Variants in DYNLT5 observed in about 807,000 individuals in gnomAD.
DYNLT5 encodes the protein dynein light chain Tctex-type 5.
In DYNLT5, 25 loss-of-function variants were observed where a neutral mutation model predicts 19.3. That is an observed-to-expected ratio of 1.30 (90% CI 0.95 to 1.81). The LOEUF (loss-of-function observed/expected upper bound fraction) is 1.81. Among genes scored for constraint, DYNLT5 ranks in the 40% most tolerant of loss-of-function variants. The probability of loss-of-function intolerance (pLI) is 0.00; values close to 1 mark genes in which losing one functional copy is unlikely to be tolerated. For missense variants in DYNLT5, 232 were observed against 217.9 expected, an observed-to-expected ratio of 1.06 and a Z score of -0.41; for synonymous variants, 82 against 68.9, an observed-to-expected ratio of 1.19 and a Z score of -0.94.
intron 4 of DYNLT5, among the ~76,000 whole-genome samples, chr1:66,777,004 A>G (rs1185073437): frequency 1.3e-5 from 2 of 152,178 alleles, no homozygotes; most frequent in Non-Finnish European, 2.9e-5. Context: ...TGTGTTCTGG[A>G]TTATAATTAT....
rs772745685 is a variant in DYNLT5 at position 66,770,440 on chromosome 1, C to T, written c.173C>T (p.Ser58Phe). The change falls in exon 3 of 5, where the codon TCT (serine) becomes TTT (phenylalanine). Residue 58 changes from serine to phenylalanine, a missense_variant. Coordinates refer to ENST00000282670, the MANE Select transcript of DYNLT5 (RefSeq NM_152665.3). ...GAACCCAGTCAGCGTGATGATATCT[C>T]TCGCCTTACAGTTCAGATGGAAAAC... Reference protein sequence around the residue: ...MEEPSQRDDISRLTVQMENTY... With the variant: ...MEEPSQRDDIFRLTVQMENTY... 2 of 1,613,522 alleles carry T rather than the reference C, an allele frequency of 1.2e-6. No individual in the cohort carries two copies. The highest frequency in any genetic ancestry group is 1.7e-6 in the Non-Finnish European group (2 of 1,179,664).
At chr1:66,758,461 A>G (rs115231723) in intron 2 of DYNLT5, among the ~76,000 whole-genome samples, 2,464 of 152,302 alleles carry the variant, frequency 0.016, 62 homozygotes, top group African/African-American at 0.056. Flanking sequence ...TGGGGGCTGA[A>G]CATTCTCTCC....
At position 66,776,837 on chromosome 1, in the gene DYNLT5, T is replaced by C. The variant is rs112380323; in HGVS notation, c.337-414T>C. 4.2e-3 allele frequency among the ~76,000 whole-genome samples: 643 copies of C among 152,294 alleles called. 6 individuals carry two copies. The highest frequency in any genetic ancestry group is 0.015 in the African/African-American group (612 of 41,572). On this transcript the variant is annotated intron_variant, in intron 4 of 4. Transcript: ENST00000282670. ...CTCTACTTTCTTTTTGATAACAAAC[T>C]CTTTAATAAACATTAATGATTAGTT...
intron 2 of DYNLT5, among the ~76,000 whole-genome samples, chr1:66,768,497 C>A (rs1459864925): frequency 6.6e-6 from 1 of 152,138 alleles, no homozygotes; most frequent in African/African-American, 2.4e-5. Flanking sequence ...ATTTGCACAC[C>A]AATCTTCAAC....
chr1:66,761,379 C>A lies in DYNLT5; in HGVS notation c.119+6602C>A, dbSNP rs1040203899. On this transcript the variant is annotated intron_variant, in intron 2 of 4. Coordinates refer to ENST00000282670, the MANE Select transcript of DYNLT5 (RefSeq NM_152665.3). ...AAATGCTAATGATCATCTGAACCTTCAGCAAGTTGTCATCTTTTTGCTAGT... is the reference window on the plus strand; with the variant it reads ...AAATGCTAATGATCATCTGAACCTTAAGCAAGTTGTCATCTTTTTGCTAGT... 2.6e-5 allele frequency among the ~76,000 whole-genome samples: 4 copies of A among 152,202 alleles called. No individual in the cohort carries two copies. In the East Asian group the frequency reaches 7.7e-4, roughly 29 times the overall value.
rs143243604 is a variant in DYNLT5, at chr1:66,776,346, A to G, written c.279A>G (p.Leu93=). 94 of 1,613,452 alleles carry G rather than the reference A, an allele frequency of 5.8e-5. No homozygotes were observed. The highest frequency in any genetic ancestry group is 7.5e-5 in the Non-Finnish European group (88 of 1,179,710). ...HILKDVVTSY[L]QVEEYEPELC... ...TGAAAGATGTAGTAACCAGCTATCTACAAGTAGAAGAATATGAACCAGAGC... is the reference window on the plus strand; with the variant it reads ...TGAAAGATGTAGTAACCAGCTATCTGCAAGTAGAAGAATATGAACCAGAGC... Residue 93 remains leucine, a synonymous_variant, in exon 4 of 5, where the codon CTA becomes CTG. Coordinates refer to ENST00000282670, the MANE Select transcript of DYNLT5 (RefSeq NM_152665.3).
chr1:66,758,841 A>G (rs2094640889), intron 2 of DYNLT5, among the ~76,000 whole-genome samples: 1 of 152,150 alleles, frequency 6.6e-6, no homozygotes. Flanking sequence ...AATCTATACT[A>G]CTGTGAGCTG....
chr1:66,754,092 T>G (rs1049264434), intron 1 of DYNLT5, among the ~76,000 whole-genome samples: 3 of 151,992 alleles, frequency 2.0e-5, no homozygotes. Context: ...AATTAAAAAT[T>G]AGCCCAGCTT....
chr1:66,774,139 A>G (rs1005588828), intron 3 of DYNLT5, among the ~76,000 whole-genome samples: 5 of 152,134 alleles, frequency 3.3e-5, no homozygotes, highest in African/African-American at 1.2e-4. Flanking sequence ...CCCTCTTTCC[A>G]GCACTAACCT....
intron 2 of DYNLT5, among the ~76,000 whole-genome samples, chr1:66,761,025 C>T (rs1165644375): frequency 6.6e-6 from 1 of 152,210 alleles, no homozygotes; most frequent in Admixed American, 6.5e-5. Flanking sequence ...TTCCACAAGA[C>T]AGTGTCATTT....
At position 66,777,254 on chromosome 1, in the gene DYNLT5, A is replaced by G; in HGVS notation, c.340A>G (p.Ile114Val). ...CTCCCTTTTTTTAAATTTCTAGGTT[A>G]TTAAAGCCCAGGTCAAGGACTTGAT... ...RQMTKTISEV[I>V]KAQVKDLMIP... The change falls in exon 5 of 5, where the codon ATT becomes GTT. Residue 114 changes from isoleucine to valine, a missense_variant. Physicochemically the swap from Ile to Val is conservative, Grantham distance 29. Transcript: ENST00000282670. The G allele has an allele frequency of 6.2e-7, 1 of 1,606,410 alleles. No individual in the cohort carries two copies. Among genetic ancestry groups the G allele is most frequent in the Non-Finnish European group, 8.5e-7 (1 of 1,174,364 alleles).
chr1:66,771,040 A>T (rs10493416), intron 3 of DYNLT5: 1 of 157,150 alleles, frequency 6.4e-6, no homozygotes, highest in Admixed American at 6.3e-5. Context: ...TTTCTCTAAA[A>T]GCGTACCTGC....
intron 2 of DYNLT5, among the ~76,000 whole-genome samples, chr1:66,766,388 A>G (rs906221785): frequency 6.6e-6 from 1 of 152,216 alleles, no homozygotes; most frequent in African/African-American, 2.4e-5. Flanking sequence ...ACTGGTAATT[A>G]AAATTATAAA....
At chr1:66,763,014 A>T (rs2094648638) in intron 2 of DYNLT5, among the ~76,000 whole-genome samples, 1 of 152,188 alleles carries the variant, frequency 6.6e-6, no homozygotes, top group Non-Finnish European at 1.5e-5. Context: ...TCAATTAAAA[A>T]TACAAAAATA....
intron 3 of DYNLT5, among the ~76,000 whole-genome samples, chr1:66,773,353 G>A (rs1381392194): frequency 1.3e-5 from 2 of 152,112 alleles, no homozygotes; most frequent in Non-Finnish European, 2.9e-5. Flanking sequence ...CAGCTTCCAT[G>A]AAGTGCTCAG....
intron 2 of DYNLT5, among the ~76,000 whole-genome samples, chr1:66,759,616 G>A (rs188193979): frequency 5.2e-4 from 79 of 152,172 alleles, no homozygotes; most frequent in African/African-American, 1.8e-3. Flanking sequence ...TAGCTAAGCA[G>A]AATATGAAGA....
intron 4 of DYNLT5, among the ~76,000 whole-genome samples, chr1:66,776,740 A>G (rs950316284): frequency 2.0e-5 from 3 of 152,190 alleles, no homozygotes; most frequent in Admixed American, 6.6e-5. Flanking sequence ...AGTGCCATCA[A>G]ATACAGACAT....
chr1:66,766,260 C>T (rs548533213), intron 2 of DYNLT5, among the ~76,000 whole-genome samples: 2 of 152,082 alleles, frequency 1.3e-5, no homozygotes, highest in South Asian at 2.1e-4. Context: ...AATGAGATCA[C>T]GTGTCTAGAA....
intron 3 of DYNLT5, among the ~76,000 whole-genome samples, chr1:66,774,491 CG>C (rs1442232055): frequency 9.9e-5 from 15 of 151,814 alleles, no homozygotes; most frequent in African/African-American, 3.6e-4. Flanking sequence ...ATAAAAATAA[CG>C]ATTTATAGAA....
Sources: allele counts gnomAD v4.1 joint callset (sites outside exome capture counted in the v4.1 genomes callset), GRCh38; gene constraint gnomAD v4.1.1; transcripts MANE v1.5; gene names NCBI Gene and HGNC (gene_info 2026-07-23, HGNC 2026-07-21).